TAF11: variants seen among roughly 807,000 people sequenced by gnomAD.
TAF11 encodes TATA-box binding protein associated factor 11.
A neutral mutation model predicts 23.0 loss-of-function variants in TAF11; 10 were observed. The ratio of observed to expected loss-of-function variants is 0.43; its 90% CI spans 0.27 to 0.74. The LOEUF is 0.74. TAF11 is among the 30% of genes least tolerant of loss of function. The pLI is 0.19. For synonymous variants in TAF11, 85 were observed against 95.8 expected, an observed-to-expected ratio of 0.89 and a Z score of 0.66; for missense variants, 196 against 261.7, an observed-to-expected ratio of 0.75 and a Z score of 1.73.
At position 34,887,805 on chromosome 6, in the gene TAF11, A is replaced by C. The variant is rs768353225; in HGVS notation, c.153T>G (p.Ala51=). The change falls in exon 1 of 5, where the codon GCT becomes GCG. Residue 51 remains alanine (A), a synonymous_variant. Transcript: ENST00000361288. ...TTCCTACCTCGCCTTCCTCCGCTGC[A>C]GCTTCTTTCAAGTCCACATCTGCGT... ...DGDADVDLKE[A]AAEEGELESQ... is the part of the protein sequence containing the mutation. 9.3e-6 allele frequency: 15 copies of C among 1,614,026 alleles called. No homozygotes were observed. The African/African-American group carries it at 1.9e-4, about 20-fold the overall frequency.
intron 1 of TAF11, among the ~76,000 whole-genome samples, chr6:34,883,888 T>G (rs1279150676): frequency 6.6e-6 from 1 of 152,212 alleles, no homozygotes; most frequent in East Asian, 1.9e-4. Context: ...TCAGTCAGAA[T>G]GGCTATTATT....
chr6:34,884,765 T>C (rs1217052268), intron 1 of TAF11, among the ~76,000 whole-genome samples: 2 of 152,210 alleles, frequency 1.3e-5, no homozygotes, highest in African/African-American at 2.4e-5. Flanking sequence ...GTAGTCTATC[T>C]TTGACAATCT....
At chr6:34,879,624 A>G (rs1766382950) in intron 4 of TAF11, 1 of 985,112 alleles carries the variant, frequency 1.0e-6, no homozygotes, top group South Asian at 4.7e-5. Flanking sequence ...GGGACAACTC[A>G]CCATCCCACA....
chr6:34,878,831 TAAAC>T (rs1297789519), intron 4 of TAF11, 111 bp from the exon 5 acceptor site: 9 of 910,164 alleles, frequency 9.9e-6, no homozygotes, highest in Admixed American at 5.1e-5. Context: ...GCTAAGGAAA[TAAAC>T]AGACATTTTT....
rs765325644 is a variant in TAF11, at chr6:34,878,609, T to C, written c.617A>G (p.Lys206Arg). The C allele has an allele frequency of 6.9e-6, 11 of 1,593,508 alleles. No individual in the cohort carries two copies. In the South Asian group the frequency reaches 1.2e-4, roughly 18 times the overall value. ...SKGQIPNSKH[K>R]KIIFF The stretch of plus-strand genomic sequence containing the variant: ...TTTGGTCTAGAAGAAGATGATTTTT[T>C]TGTGCTTCGAGTTAGGGATCTGTCC... The change falls in exon 5 of 5, where the codon AAA (lysine) becomes AGA (arginine). Residue 206 changes from lysine to arginine, a missense_variant. Lys to Arg is a conservative substitution (Grantham distance 26). Coordinates refer to ENST00000361288, the MANE Select transcript of TAF11 (RefSeq NM_005643.4).
At chr6:34,881,048 T>C (rs886478334) in intron 2 of TAF11, among the ~76,000 whole-genome samples, 4 of 152,164 alleles carry the variant, frequency 2.6e-5, no homozygotes, top group African/African-American at 7.2e-5. Context: ...GGAGAGAAAT[T>C]TGGAAATACA....
chr6:34,887,556 C>T (rs1766553657), intron 1 of TAF11, among the ~76,000 whole-genome samples: 1 of 152,112 alleles, frequency 6.6e-6, no homozygotes, highest in Admixed American at 6.6e-5. Context: ...TAGCTTTAAT[C>T]CCTAAAGACA....
intron 1 of TAF11, among the ~76,000 whole-genome samples, chr6:34,883,717 T>A (rs1242672168): frequency 6.6e-6 from 1 of 152,220 alleles, no homozygotes; most frequent in Non-Finnish European, 1.5e-5. Context: ...ATTTTACTTA[T>A]GCTGGATGTT....
intron 1 of TAF11, among the ~76,000 whole-genome samples, chr6:34,886,020 G>C (rs7769746): frequency 6.6e-6 from 1 of 151,960 alleles, no homozygotes; most frequent in Non-Finnish European, 1.5e-5. Context: ...CCCAGCTACT[G>C]GGGAGGCTGA....
chr6:34,879,794 A>C lies in TAF11; in HGVS notation c.505+173T>G, dbSNP rs150959654. 789 of 985,418 alleles carry C rather than the reference A, an allele frequency of 8.0e-4. 2 individuals are homozygous for C. In the African/African-American group the frequency reaches 0.01, roughly 13 times the overall value. The allele number at this position is 985,418 out of a possible 1,614,324, so 61.0% of individuals were successfully genotyped here. A position where few individuals can be genotyped will look rare whatever the true frequency, so the allele number is the denominator to read the frequency against. On this transcript the variant is annotated intron_variant, in intron 4 of 4. Coordinates refer to ENST00000361288, the MANE Select transcript of TAF11 (RefSeq NM_005643.4). ...GATGGTTCCTTACCATCTGTTATTGAAACTTGCAAGGAATAACAGTCATGT... is the reference window on the plus strand; with the variant it reads ...GATGGTTCCTTACCATCTGTTATTGCAACTTGCAAGGAATAACAGTCATGT...
intron 1 of TAF11, among the ~76,000 whole-genome samples, chr6:34,886,686 A>G (rs1766534103): frequency 6.6e-6 from 1 of 151,758 alleles, no homozygotes; most frequent in Admixed American, 6.6e-5. Flanking sequence ...GGCTGGTCTC[A>G]AACTCCTGAC....
intron 1 of TAF11, among the ~76,000 whole-genome samples, chr6:34,884,435 T>C (rs1766496167): frequency 6.6e-6 from 1 of 152,074 alleles, no homozygotes; most frequent in African/African-American, 2.4e-5. Context: ...TATGGAAGGA[T>C]GAAGGGTGGC....
chr6:34,880,434 T>C lies in TAF11; in HGVS notation c.321-58A>G. Reference sequence around the variant, plus strand: ...ATAAGAACGAATACTCAAGATATTATGAAGTCAATAAAAGTTTCAGACAAT... The same window carrying C: ...ATAAGAACGAATACTCAAGATATTACGAAGTCAATAAAAGTTTCAGACAAT... On this transcript the variant is annotated intron_variant, in intron 2 of 4. Transcript: ENST00000361288. The surrounding 1 kb of genome is among the most constrained non-coding windows in gnomAD (Gnocchi z 4.8). The C allele has an allele frequency of 3.9e-6, 6 of 1,529,268 alleles. No homozygotes were observed. Among genetic ancestry groups the C allele is most frequent in the South Asian group, 1.1e-5 (1 of 87,720 alleles). The allele number at this position is 1,529,268 out of a possible 1,614,324, so 94.7% of individuals were successfully genotyped here. A position where few individuals can be genotyped will look rare whatever the true frequency, so the allele number is the denominator to read the frequency against.
chr6:34,877,491 CAAATT>C lies in TAF11; in HGVS notation c.*1094_*1098del, dbSNP rs1165239147. ...TGGTTCTGTGAACCACCTGAAAAAA[CAAATT>C]AAATGTATTAAACCATAATGATTGT... On this transcript the variant is annotated 3_prime_UTR_variant, in exon 5 of 5. Coordinates refer to ENST00000361288, the MANE Select transcript of TAF11 (RefSeq NM_005643.4). 1.3e-5 allele frequency: 2 copies of C among 152,422 alleles called. No individual in the cohort carries two copies. Among genetic ancestry groups the C allele is most frequent in the Non-Finnish European group, 2.9e-5 (2 of 68,010 alleles). The allele number at this position is 152,422 out of a possible 1,614,324, so 9.4% of individuals were successfully genotyped here.
At position 34,888,012 on chromosome 6, in the gene TAF11, C is replaced by T. The variant is rs1766574831; in HGVS notation, c.-55G>A. On this transcript the variant is annotated 5_prime_UTR_variant, in exon 1 of 5. Transcript: ENST00000361288. Reference sequence around the variant, plus strand: ...CGCGGAGATGCCTGAGGCAGAAGCTCGGAAACCCGAGCTGCACAGGCCAGG... The same window carrying T: ...CGCGGAGATGCCTGAGGCAGAAGCTTGGAAACCCGAGCTGCACAGGCCAGG... 1.7e-5 allele frequency: 27 copies of T among 1,606,946 alleles called. No individual in the cohort carries two copies. The highest frequency in any genetic ancestry group is 1.1e-4 in the South Asian group (10 of 90,540).
intron 1 of TAF11, 130 bp downstream of exon 1, chr6:34,887,657 A>T: frequency 8.8e-7 from 1 of 1,138,432 alleles, no homozygotes; most frequent in Non-Finnish European, 1.3e-6. Flanking sequence ...CCTCAAGATT[A>T]ACGATCTGGA....
chr6:34,884,233 A>C (rs1333932664), intron 1 of TAF11, among the ~76,000 whole-genome samples: 2 of 152,228 alleles, frequency 1.3e-5, no homozygotes, highest in Non-Finnish European at 2.9e-5. Context: ...AATACTATAC[A>C]GCCATAAAAA....
At position 34,878,293 on chromosome 6, in the gene TAF11, C is replaced by G; in HGVS notation, c.*297G>C. The G allele has an allele frequency of 3.2e-6, 1 of 308,006 alleles. No individual in the cohort carries two copies. Among genetic ancestry groups the G allele is most frequent in the Non-Finnish European group, 6.1e-6 (1 of 165,140 alleles). 19.1% of individuals were successfully genotyped at this position (308,006 alleles called of 1,614,324 possible). Reference sequence around the variant, plus strand: ...AAACTCTCTTGGAAAGGTTTTCTCTCTGAAAGCAGTTCCCCTGTCCAGAAG... The same window carrying G: ...AAACTCTCTTGGAAAGGTTTTCTCTGTGAAAGCAGTTCCCCTGTCCAGAAG... On this transcript the variant is annotated 3_prime_UTR_variant, in exon 5 of 5. Coordinates refer to ENST00000361288, the MANE Select transcript of TAF11 (RefSeq NM_005643.4).
At chr6:34,882,643 C>CAA (rs11377156) in intron 2 of TAF11, among the ~76,000 whole-genome samples, 1 of 150,060 alleles carries the variant, frequency 6.7e-6, no homozygotes, top group Non-Finnish European at 1.5e-5. Flanking sequence ...GACTCTATCT[C>CAA]AAAAAAATAA....
Sources: gnomAD v4.1 joint callset for allele counts (sites outside exome capture counted in the v4.1 genomes callset) on GRCh38, gnomAD v4.1.1 for gene constraint, Gnocchi (gnomAD v3.1) non-coding constraint, MANE v1.5 for transcripts, NCBI Gene and HGNC (gene_info 2026-07-23, HGNC 2026-07-21) for gene names.